Variants in ELFN1 observed in about 807,000 individuals in gnomAD.
The protein encoded by ELFN1 is extracellular leucine rich repeat and fibronectin type III domain containing 1.
In ELFN1, 6 loss-of-function variants were observed where a neutral mutation model predicts 7.6. The ratio of observed to expected loss-of-function variants is 0.79; its 90% CI spans 0.43 to 1.56. ELFN1 has a LOEUF of 1.56. ELFN1 is among the 40% of genes most tolerant of loss of function. The pLI, the probability that ELFN1 is intolerant of heterozygous loss-of-function variation, is 0.01. For synonymous variants in ELFN1, 657 were observed against 588.1 expected, an observed-to-expected ratio of 1.12 and a Z score of -1.70; for missense variants, 1,169 against 1,232.2, an observed-to-expected ratio of 0.95 and a Z score of 0.77.
rs1375552921 is a variant in ELFN1 at position 1,719,615 on chromosome 7, ACT to A, written c.-294+10366_-294+10367del. On this transcript the variant is annotated intron_variant, in intron 3 of 3. Transcript: ENST00000424383. ...GAGCCGAGTTTGGATGGGGCCACAG[ACT>A]CTGATTCTGTGAGGACACTGCCCTT... Among the ~76,000 whole-genome samples, 8 of 152,008 alleles carry A rather than the reference ACT, an allele frequency of 5.3e-5. No homozygotes were observed. In the South Asian group the frequency reaches 6.2e-4, roughly 12 times the overall value.
intron 1 of ELFN1, among the ~76,000 whole-genome samples, chr7:1,685,497 G>A (rs1240080049): frequency 1.3e-5 from 2 of 151,926 alleles, no homozygotes; most frequent in Admixed American, 1.3e-4. Context: ...TTATTTTTCT[G>A]TTCAGTTTTT....
At chr7:1,729,345 G>T (rs1780275951) in intron 3 of ELFN1, among the ~76,000 whole-genome samples, 1 of 152,220 alleles carries the variant, frequency 6.6e-6, no homozygotes, top group Non-Finnish European at 1.5e-5. Flanking sequence ...TTTGCTCAGG[G>T]TTCTTGGGTC....
chr7:1,667,130 C>A (rs930799448), upstream of ELFN1, among the ~76,000 whole-genome samples: 1 of 151,892 alleles, frequency 6.6e-6, no homozygotes. The surrounding 1 kb of genome is among the most constrained non-coding windows in gnomAD (Gnocchi z 8.2). Context: ...GGTGTCGGCC[C>A]CCCCCCGAAC....
At chr7:1,729,339 C>T (rs768037516) in intron 3 of ELFN1, among the ~76,000 whole-genome samples, 1 of 152,234 alleles carries the variant, frequency 6.6e-6, no homozygotes, top group Non-Finnish European at 1.5e-5. Context: ...GCTTCTTTTG[C>T]TCAGGGTTCT....
chr7:1,674,422 G>C (rs1201997319), intron 1 of ELFN1, among the ~76,000 whole-genome samples: 2 of 152,170 alleles, frequency 1.3e-5, no homozygotes, highest in African/African-American at 4.8e-5. Flanking sequence ...AGGACTCACG[G>C]CTTCCAGGCT....
At position 1,696,946 on chromosome 7, in the gene ELFN1, C is replaced by T. The variant is rs145234059; in HGVS notation, c.-456+8796C>T. Among the ~76,000 whole-genome samples the T allele has an allele frequency of 3.1e-4, 47 of 152,334 alleles. No homozygotes were observed. The East Asian group carries it at 8.5e-3, about 28-fold the overall frequency. ...CAACGAGGGCCACAGGAAATGACCACGAGCAATGCACTAGCAGGGACTGCT... is the reference window on the plus strand; with the variant it reads ...CAACGAGGGCCACAGGAAATGACCATGAGCAATGCACTAGCAGGGACTGCT... On this transcript the variant is annotated intron_variant, in intron 2 of 3. Transcript: ENST00000424383.
chr7:1,707,915 G>A (rs1779569231), intron 2 of ELFN1, among the ~76,000 whole-genome samples: 1 of 152,186 alleles, frequency 6.6e-6, no homozygotes, highest in South Asian at 2.1e-4. Context: ...GGCACAGGCA[G>A]ACAGACAGAC....
upstream of ELFN1, among the ~76,000 whole-genome samples, chr7:1,669,354 C>T (rs1050507906): frequency 2.0e-5 from 3 of 151,996 alleles, no homozygotes; most frequent in African/African-American, 7.2e-5. Context: ...GGGGAGGGGG[C>T]GCCGGCGGGG....
Position 1,739,983 on chromosome 7 carries a change from A to C in ELFN1, c.-293-4321A>C, listed in dbSNP as rs1033925285. The stretch of plus-strand genomic sequence containing the variant: ...GGAAGGTTCTAGAACTACGAGTTCC[A>C]ATACGGCAGCTACTAGCCACGTTTC... On this transcript the variant is annotated intron_variant, in intron 3 of 3. Transcript: ENST00000424383. The surrounding 1 kb of genome is among the most constrained non-coding windows in gnomAD (Gnocchi z 4.6). Among the ~76,000 whole-genome samples the C allele has an allele frequency of 6.6e-6, 1 of 152,236 alleles. No homozygotes were observed. The highest frequency in any genetic ancestry group is 1.9e-4 in the East Asian group (1 of 5,202).
chr7:1,681,339 G>A (rs1461449925), intron 1 of ELFN1, among the ~76,000 whole-genome samples: 1 of 152,130 alleles, frequency 6.6e-6, no homozygotes, highest in East Asian at 1.9e-4. Context: ...TGGAAGGAGA[G>A]TTCATCTGGT....
chr7:1,687,446 A>G (rs1418274771), intron 1 of ELFN1, among the ~76,000 whole-genome samples: 1 of 152,116 alleles, frequency 6.6e-6, no homozygotes, highest in Non-Finnish European at 1.5e-5. Flanking sequence ...AGCTCAAGAA[A>G]TAAAAATGAT....
At chr7:1,672,026 CT>C (rs1172059838) in intron 1 of ELFN1, among the ~76,000 whole-genome samples, 2 of 152,220 alleles carry the variant, frequency 1.3e-5, no homozygotes, top group African/African-American at 4.8e-5. Context: ...GCCCCTCCCC[CT>C]GTCCTACAGC....
intron 3 of ELFN1, among the ~76,000 whole-genome samples, chr7:1,731,463 T>C (rs1780323685): frequency 6.6e-6 from 1 of 152,132 alleles, no homozygotes; most frequent in Non-Finnish European, 1.5e-5. Context: ...GTGTTATCAA[T>C]AGAAATAGGA....
intron 1 of ELFN1, among the ~76,000 whole-genome samples, chr7:1,677,720 T>C (rs941949748): frequency 6.6e-6 from 1 of 152,076 alleles, no homozygotes; most frequent in African/African-American, 2.4e-5. Flanking sequence ...GTGGCTCTGA[T>C]GTGAAATTCC....
In ELFN1 at chr7:1,746,517, T is replaced by C; in HGVS notation, c.1921T>C (p.Ser641Pro). 2.7e-6 allele frequency: 4 copies of C among 1,467,738 alleles called. No homozygotes were observed. The highest frequency in any genetic ancestry group is 3.6e-6 in the Non-Finnish European group (4 of 1,119,384). 90.9% of individuals were successfully genotyped at this position (1,467,738 alleles called of 1,614,324 possible). ...EAAGPPRAST[S>P]SSGSVRSPRA... ...CGCCGGGCCCCCTCGTGCCAGCACC[T>C]CGTCCAGCGGCTCCGTGCGCAGCCC... The change falls in exon 4 of 4, where the codon TCG becomes CCG. Residue 641 changes from serine to proline, a missense_variant. This residue lies in a region of ELFN1 where 914 missense variants were observed against 872.6 expected (regional missense o/e 1.05). Coordinates refer to ENST00000424383, the MANE Select transcript of ELFN1 (RefSeq NM_001128636.4).
chr7:1,677,188 T>G (rs562095044), intron 1 of ELFN1, among the ~76,000 whole-genome samples: 293 of 152,310 alleles, frequency 1.9e-3, no homozygotes, highest in South Asian at 3.5e-3. Context: ...GAGAGGAAGG[T>G]TGTGCGAAGC....
In ELFN1 at chr7:1,740,577, G is replaced by A. The variant is rs1021565257; in HGVS notation, c.-293-3727G>A. The stretch of plus-strand genomic sequence containing the variant: ...CCCAGCTGGAAAGGGCTTTGGGGGG[G>A]CCTGTGGTCTGTCCAGAACCTTCCT... On this transcript the variant is annotated intron_variant, in intron 3 of 3. Transcript: ENST00000424383. This position sits in a 1 kb window ranked among gnomAD's most constrained non-coding sequence, Gnocchi z 5.0. 6.6e-6 allele frequency among the ~76,000 whole-genome samples: 1 copy of A among 152,162 alleles called. No individual in the cohort carries two copies. Among genetic ancestry groups the A allele is most frequent in the African/African-American group, 2.4e-5 (1 of 41,432 alleles).
chr7:1,717,032 G>T (rs1334658969), intron 3 of ELFN1, among the ~76,000 whole-genome samples: 2 of 152,228 alleles, frequency 1.3e-5, no homozygotes, highest in Non-Finnish European at 2.9e-5. Flanking sequence ...CTCTGCCAGA[G>T]CATGCAGGAG....
Position 1,745,747 on chromosome 7 carries a change from C to A in ELFN1, c.1151C>A (p.Thr384Asn), listed in dbSNP as rs1364951953. 1 of 1,551,500 alleles carries A rather than the reference C, an allele frequency of 6.4e-7. No individual in the cohort carries two copies. The highest frequency in any genetic ancestry group is 1.2e-5 in the South Asian group (1 of 84,114). Residue 384 changes from threonine to asparagine, a missense_variant, in exon 4 of 4, where the codon ACC becomes AAC. By Grantham distance (65) the Thr-to-Asn change is moderately conservative (BLOSUM62 0). This residue lies in a region of ELFN1 where 914 missense variants were observed against 872.6 expected (regional missense o/e 1.05). Transcript: ENST00000424383. ...AACTACACCTACTGCGTGGTGTCCA[C>A]CAGCGCCGGGCTGCGCCACAACCAC... is the stretch of plus-strand genomic sequence containing the variant. ...LTNYTYCVVS[T>N]SAGLRHNHTC...
Sources: allele counts gnomAD v4.1 joint callset (sites outside exome capture counted in the v4.1 genomes callset), GRCh38; gene constraint gnomAD v4.1.1; regional missense constraint gnomAD v4.1.1; non-coding constraint Gnocchi (gnomAD v3.1); transcripts MANE v1.5; gene names NCBI Gene and HGNC (gene_info 2026-07-23, HGNC 2026-07-21).